ARMC8: variants seen among roughly 807,000 people sequenced by gnomAD.
ARMC8 encodes the protein armadillo repeat-containing protein 8.
ARMC8 carries 20 observed loss-of-function variants against 99.3 expected under a neutral mutation model. That is an observed-to-expected ratio of 0.20 (90% CI 0.14 to 0.29). The LOEUF (loss-of-function observed/expected upper bound fraction) is 0.29, where lower values mean the gene tolerates loss of function less well. ARMC8 is among the 10% of genes least tolerant of loss of function. ARMC8 has a pLI of 1.00. For missense variants in ARMC8, 569 were observed against 809.5 expected (o/e 0.70, Z 3.60); for synonymous variants, 263 against 278.3 (o/e 0.95, Z 0.55).
rs776320900 is a variant in ARMC8 at position 138,271,798 on chromosome 3, C to CTTTTTTTTTTTTTTT, written c.1480-1168_1480-1154dup. Among the ~76,000 whole-genome samples the CTTTTTTTTTTTTTTT allele has an allele frequency of 3.9e-3, 528 of 136,052 alleles. 16 individuals are homozygous for CTTTTTTTTTTTTTTT. The highest frequency in any genetic ancestry group is 0.014 in the African/African-American group (506 of 35,218). 89.3% of individuals were successfully genotyped at this position (136,052 alleles called of 152,430 possible). A position where few individuals can be genotyped will look rare whatever the true frequency, so the allele number is the denominator to read the frequency against. ...AGTTCACAAGATTTTTTTTTTCTTT[C>CTTTTTTTTTTTTTTT]TTTTTTTTTTTTTTTGATACAGAGT... On this transcript the variant is annotated intron_variant, in intron 16 of 21. Coordinates refer to ENST00000469044, the MANE Select transcript of ARMC8 (RefSeq NM_001363941.2).
intron 7 of ARMC8, among the ~76,000 whole-genome samples, 158 bp downstream of exon 7, chr3:138,235,272 T>TAAA (rs35705979): frequency 7.2e-6 from 1 of 139,500 alleles, no homozygotes. Flanking sequence ...GAATGCTCTT[T>TAAA]AAAAAAAAAA....
At position 138,187,519 on chromosome 3, in the gene ARMC8, G is replaced by C. The variant is rs1046095296; in HGVS notation, c.-36G>C. 1.3e-6 allele frequency: 2 copies of C among 1,534,984 alleles called. No individual in the cohort carries two copies. Among genetic ancestry groups the C allele is most frequent in the Non-Finnish European group, 1.7e-6 (2 of 1,146,042 alleles). On this transcript the variant is annotated 5_prime_UTR_variant, in exon 1 of 22. Coordinates refer to ENST00000469044, the MANE Select transcript of ARMC8 (RefSeq NM_001363941.2). ...GGCTGTCGAAAGTGCCGGCCCCCGC[G>C]CCGGCGCCTGCAGCAGCCGGGTGGG...
At chr3:138,273,613 TG>T (rs2048986287) in intron 17 of ARMC8, among the ~76,000 whole-genome samples, 1 of 152,194 alleles carries the variant, frequency 6.6e-6, no homozygotes, top group Non-Finnish European at 1.5e-5. Flanking sequence ...GCCTTGCTGG[TG>T]GGATACCTCT....
rs997016457 is a variant in ARMC8, at chr3:138,296,124, A to G, written c.*232A>G. ...TTGTTTTGGTTTTTTTTTCTGAGCT[A>G]CTCGGACTCTTTATTAGAACAATCA... On this transcript the variant is annotated 3_prime_UTR_variant, in exon 22 of 22. Coordinates refer to ENST00000469044, the MANE Select transcript of ARMC8 (RefSeq NM_001363941.2). 8.5e-6 allele frequency: 4 copies of G among 471,824 alleles called. No homozygotes were observed. Among genetic ancestry groups the G allele is most frequent in the African/African-American group, 8.0e-5 (4 of 49,974 alleles). The allele number at this position is 471,824 out of a possible 1,614,324, so 29.2% of individuals were successfully genotyped here.
chr3:138,290,472 T>C, intron 20 of ARMC8, 74 bp from the exon 21 acceptor site: 1 of 1,116,966 alleles, frequency 9.0e-7, no homozygotes, highest in Non-Finnish European at 1.3e-6. Flanking sequence ...GGTAAGGCTC[T>C]AGATTGTTAA....
rs539769207 is a variant in ARMC8, at chr3:138,297,613, A to T, written c.*1721A>T. The T allele has an allele frequency of 1.3e-5, 2 of 152,332 alleles. No homozygotes were observed. Among genetic ancestry groups the T allele is most frequent in the East Asian group, 3.9e-4 (2 of 5,192 alleles). The allele number at this position is 152,332 out of a possible 1,614,324, so 9.4% of individuals were successfully genotyped here. A position where few individuals can be genotyped will look rare whatever the true frequency, so the allele number is the denominator to read the frequency against. On this transcript the variant is annotated 3_prime_UTR_variant, in exon 22 of 22. Transcript: ENST00000469044. ...TTTAATGCAATTTTTCCTGCTCTCA[A>T]CATGACCACCCAAGATTCAAACACA...
intron 12 of ARMC8, chr3:138,245,962 A>T (rs2046861437): frequency 3.0e-6 from 3 of 985,428 alleles, no homozygotes; most frequent in Non-Finnish European, 3.6e-6. Context: ...TTCTGTCTTG[A>T]GGAGCCATAG....
chr3:138,261,562 G>A (rs2047744535), intron 12 of ARMC8: 1 of 152,180 alleles, frequency 6.6e-6, no homozygotes, highest in Non-Finnish European at 1.5e-5. Flanking sequence ...TGGTTTTTAA[G>A]TCACAGTATT....
chr3:138,283,930 G>C (rs2050164605), intron 18 of ARMC8, among the ~76,000 whole-genome samples: 1 of 152,138 alleles, frequency 6.6e-6, no homozygotes, highest in Non-Finnish European at 1.5e-5. Flanking sequence ...CTGGTGGACA[G>C]GGTCTAGGCC....
chr3:138,191,175 C>G (rs969643712), intron 1 of ARMC8, among the ~76,000 whole-genome samples: 18 of 152,154 alleles, frequency 1.2e-4, no homozygotes, highest in Admixed American at 1.2e-3. Context: ...ATCCTAGGTA[C>G]TCAGTAAATG....
chr3:138,258,411 T>C (rs758143787), intron 12 of ARMC8, among the ~76,000 whole-genome samples: 4 of 152,234 alleles, frequency 2.6e-5, no homozygotes, highest in Non-Finnish European at 5.9e-5. Flanking sequence ...AAAAGATGGC[T>C]TATGTCCTGG....
chr3:138,297,731 G>T lies in ARMC8; in HGVS notation c.*1839G>T, dbSNP rs774825045. 2 of 152,204 alleles carry T rather than the reference G, an allele frequency of 1.3e-5. No individual in the cohort carries two copies. The highest frequency in any genetic ancestry group is 2.9e-5 in the Non-Finnish European group (2 of 68,040). 9.4% of individuals were successfully genotyped at this position (152,204 alleles called of 1,614,324 possible). A position where few individuals can be genotyped will look rare whatever the true frequency, so the allele number is the denominator to read the frequency against. The stretch of plus-strand genomic sequence containing the variant: ...TTTGTGCAGATATCAGAGTGCTAAT[G>T]TGAGAAACCCAGTTAAAAGAAAACT... On this transcript the variant is annotated 3_prime_UTR_variant, in exon 22 of 22. Coordinates refer to ENST00000469044, the MANE Select transcript of ARMC8 (RefSeq NM_001363941.2).
At chr3:138,190,311 AG>A (rs2043311182) in intron 1 of ARMC8, among the ~76,000 whole-genome samples, 1 of 79,714 alleles carries the variant, frequency 1.3e-5, no homozygotes, top group Admixed American at 1.8e-4. Flanking sequence ...TTTGAGATGG[AG>A]TTTTGCTCTT....
chr3:138,293,539 A>G (rs1269615168), intron 21 of ARMC8, among the ~76,000 whole-genome samples: 1 of 151,936 alleles, frequency 6.6e-6, no homozygotes, highest in Non-Finnish European at 1.5e-5. Flanking sequence ...ACTGTCTCAA[A>G]AAAAAAAAGA....
chr3:138,289,340 G>T (rs2050728424), intron 20 of ARMC8, among the ~76,000 whole-genome samples: 1 of 152,174 alleles, frequency 6.6e-6, no homozygotes, highest in African/African-American at 2.4e-5. Context: ...CTCTATACCA[G>T]ATTCAAGGAG....
intron 18 of ARMC8, among the ~76,000 whole-genome samples, chr3:138,282,299 G>C (rs547036091): frequency 6.6e-6 from 1 of 152,270 alleles, no homozygotes; most frequent in African/African-American, 2.4e-5. Context: ...TGTGAGTCTG[G>C]TGTTGCCACA....
Position 138,203,231 on chromosome 3 carries a change from A to G in ARMC8, c.46-6586A>G, listed in dbSNP as rs2044177544. Among the ~76,000 whole-genome samples, 3 of 152,216 alleles carry G rather than the reference A, an allele frequency of 2.0e-5. No individual in the cohort carries two copies. In the South Asian group the frequency reaches 6.2e-4, roughly 32 times the overall value. ...TTAATGATGCCCTCTTTCACTCTTA[A>G]AATTATCCTGATTTGGATGATAAAT... On this transcript the variant is annotated intron_variant, in intron 1 of 21. Coordinates refer to ENST00000469044, the MANE Select transcript of ARMC8 (RefSeq NM_001363941.2).
intron 18 of ARMC8, among the ~76,000 whole-genome samples, chr3:138,279,610 T>C (rs968537394): frequency 3.9e-5 from 6 of 152,198 alleles, no homozygotes; most frequent in African/African-American, 1.4e-4. Context: ...TTGTGAAGAA[T>C]TAATTATTTT....
At chr3:138,221,688 C>G (rs1374250510) in intron 2 of ARMC8, among the ~76,000 whole-genome samples, 2 of 152,128 alleles carry the variant, frequency 1.3e-5, no homozygotes, top group Non-Finnish European at 2.9e-5. Flanking sequence ...GAACTCAATT[C>G]TGTACTGGAA....
Sources: gnomAD v4.1 joint callset for allele counts (sites outside exome capture counted in the v4.1 genomes callset) on GRCh38, gnomAD v4.1.1 for gene constraint, MANE v1.5 for transcripts, NCBI Gene and HGNC (gene_info 2026-07-23, HGNC 2026-07-21) for gene names.